TRAPPC9: variants seen among roughly 807,000 people sequenced by gnomAD.
TRAPPC9 encodes the protein trafficking protein particle complex subunit 9, also known as IKK2 binding protein.
Under a neutral mutation model 124.0 loss-of-function variants are expected in TRAPPC9, and 83 were observed. That is an observed-to-expected ratio of 0.67 (90% confidence interval 0.56 to 0.80). The LOEUF (loss-of-function observed/expected upper bound fraction) is 0.80, where lower values mean the gene tolerates loss of function less well. Among genes scored for constraint, TRAPPC9 ranks in the 30% least tolerant of loss-of-function variants. The pLI is 0.00. For synonymous variants in TRAPPC9, 638 were observed against 617.5 expected (o/e 1.03, Z -0.49); for missense variants, 1,302 against 1,508.3 (o/e 0.86, Z 2.27).
intron 19 of TRAPPC9, among the ~76,000 whole-genome samples, chr8:139,938,107 A>C (rs1373796416): frequency 1.3e-5 from 2 of 152,250 alleles, no homozygotes; most frequent in Admixed American, 6.5e-5. Flanking sequence ...ATTGACAATT[A>C]GGGATAAGAA....
intron 21 of TRAPPC9, among the ~76,000 whole-genome samples, chr8:139,777,257 G>A (rs1821455924): frequency 6.6e-6 from 1 of 152,236 alleles, no homozygotes; most frequent in African/African-American, 2.4e-5. Context: ...GGACAGGGCT[G>A]AGCAGGGTCT....
intron 20 of TRAPPC9, among the ~76,000 whole-genome samples, chr8:139,905,903 G>A (rs992920152): frequency 1.3e-5 from 2 of 151,916 alleles, no homozygotes; most frequent in South Asian, 2.1e-4. Context: ...GACCATTATG[G>A]CCAACATGGT....
intron 9 of TRAPPC9, among the ~76,000 whole-genome samples, chr8:140,328,961 GC>G (rs1157426856): frequency 6.6e-6 from 1 of 152,148 alleles, no homozygotes; most frequent in Non-Finnish European, 1.5e-5. Context: ...CAGAGGAAGG[GC>G]AGGGCAAGCT....
intron 21 of TRAPPC9, among the ~76,000 whole-genome samples, chr8:139,871,647 T>G (rs1828908281): frequency 6.6e-6 from 1 of 152,312 alleles, no homozygotes; most frequent in Admixed American, 6.5e-5. Flanking sequence ...AAGATGTCTC[T>G]TAAAGAAAGC....
chr8:140,270,162 C>T (rs1348892280), intron 15 of TRAPPC9, among the ~76,000 whole-genome samples: 1 of 151,644 alleles, frequency 6.6e-6, no homozygotes, highest in Admixed American at 6.6e-5. Flanking sequence ...GAAGCTGGAC[C>T]TTGAGATGAG....
intron 21 of TRAPPC9, among the ~76,000 whole-genome samples, chr8:139,793,715 G>A (rs1430937831): frequency 6.6e-6 from 1 of 152,240 alleles, no homozygotes; most frequent in Admixed American, 6.5e-5. Context: ...GTTTAGAGAG[G>A]TGGTACGGTA....
chr8:140,275,591 T>G, intron 15 of TRAPPC9, 67 bp downstream of exon 15: 1 of 1,533,436 alleles, frequency 6.5e-7, no homozygotes, highest in Non-Finnish European at 9.0e-7. Context: ...ACTGAGAATT[T>G]AAAGTATCTC....
rs145701907 is a variant in TRAPPC9 at position 139,930,013 on chromosome 8, C to T, written c.2811-19713G>A. Among the ~76,000 whole-genome samples, 197 of 150,410 alleles carry T rather than the reference C, an allele frequency of 1.3e-3. 3 individuals carry two copies. The highest frequency in any genetic ancestry group is 4.4e-3 in the African/African-American group (180 of 40,942). ...ATCAATATACGTGTTTGGCACTGTG[C>T]GTGGATTCTGCCGATTCTCTACACT... is the stretch of plus-strand genomic sequence containing the variant. On this transcript the variant is annotated intron_variant, in intron 19 of 22. Coordinates refer to ENST00000438773, the MANE Select transcript of TRAPPC9 (RefSeq NM_001160372.4).
At chr8:140,275,588 A>C in intron 15 of TRAPPC9, 70 bp downstream of exon 15, 1 of 1,528,690 alleles carries the variant, frequency 6.5e-7, no homozygotes. Flanking sequence ...AAAACTGAGA[A>C]TTTAAAGTAT....
chr8:139,910,237 C>G lies in TRAPPC9; in HGVS notation c.2874G>C (p.Gly958=). 2.5e-6 allele frequency: 4 copies of G among 1,614,138 alleles called. No homozygotes were observed. Among genetic ancestry groups the G allele is most frequent in the Non-Finnish European group, 3.4e-6 (4 of 1,180,022 alleles). The change falls in exon 20 of 23, where the codon GGG becomes GGC. Residue 958 remains glycine, a synonymous_variant. Transcript: ENST00000438773. The stretch of plus-strand genomic sequence containing the variant: ...CCAGCTGCTTGGGGTTTGCAAATTG[C>G]CCCTTCTCCCCAGGGGACTCCGGGA... ...ESFPESPGEK[G]QFANPKQLEE...
chr8:140,173,677 C>T (rs1435426748), intron 17 of TRAPPC9, among the ~76,000 whole-genome samples: 2 of 152,102 alleles, frequency 1.3e-5, no homozygotes, highest in Admixed American at 6.5e-5. Flanking sequence ...GTAGGGGACT[C>T]GCTTGCCCCA....
intron 8 of TRAPPC9, among the ~76,000 whole-genome samples, chr8:140,368,001 C>G (rs1330706239): frequency 6.6e-6 from 1 of 152,154 alleles, no homozygotes; most frequent in Non-Finnish European, 1.5e-5. Flanking sequence ...TATCATAAAC[C>G]TCGTCTCAGA....
At chr8:140,090,895 C>T (rs1266279837) in intron 17 of TRAPPC9, among the ~76,000 whole-genome samples, 1 of 152,238 alleles carries the variant, frequency 6.6e-6, no homozygotes, top group Non-Finnish European at 1.5e-5. Flanking sequence ...GGGCTGGCTT[C>T]TGGGTGATAC....
chr8:140,053,905 A>T (rs1437589300), intron 17 of TRAPPC9, among the ~76,000 whole-genome samples: 1 of 152,224 alleles, frequency 6.6e-6, no homozygotes, highest in Non-Finnish European at 1.5e-5. Flanking sequence ...ACATTAGCAA[A>T]GTTACGAAAT....
rs1011262592 is a variant in TRAPPC9, at chr8:139,984,821, G to A, written c.2810+3905C>T. On this transcript the variant is annotated intron_variant, in intron 19 of 22. Coordinates refer to ENST00000438773, the MANE Select transcript of TRAPPC9 (RefSeq NM_001160372.4). The surrounding 1 kb of genome is among the most constrained non-coding windows in gnomAD (Gnocchi z 4.3). ...GTATCCCCAGCAGTGGGCACAGCAG[G>A]GGAAGCGCCTAAGATGACTTCCCAG... Among the ~76,000 whole-genome samples the A allele has an allele frequency of 2.6e-5, 4 of 152,088 alleles. No homozygotes were observed. The highest frequency in any genetic ancestry group is 2.0e-4 in the Admixed American group (3 of 15,274).
intron 18 of TRAPPC9, among the ~76,000 whole-genome samples, chr8:140,009,057 G>C (rs1587481580): frequency 2.0e-5 from 3 of 152,264 alleles, no homozygotes; most frequent in African/African-American, 7.2e-5. Context: ...GACGGGAAAA[G>C]GGAAAAAGAG....
chr8:140,291,120 G>T, intron 11 of TRAPPC9, 42 bp from the exon 12 acceptor site: 1 of 1,565,412 alleles, frequency 6.4e-7, no homozygotes, highest in Non-Finnish European at 8.8e-7. Context: ...GTATTAGTTG[G>T]TATTTTTTCA....
rs1554419420 is a variant in TRAPPC9 at position 139,997,882 on chromosome 8, G to A, written c.2700-9046C>T. Among the ~76,000 whole-genome samples the A allele has an allele frequency of 4.1e-4, 8 of 19,574 alleles. 1 individual carries two copies. The highest frequency in any genetic ancestry group is 1.8e-3 in the Non-Finnish European group (6 of 3,406). The allele number at this position is 19,574 out of a possible 152,430, so 12.8% of individuals were successfully genotyped here. A position where few individuals can be genotyped will look rare whatever the true frequency, so the allele number is the denominator to read the frequency against. ...GGAGAGACAATGCATCCCACACAGG[G>A]GAGACAATGCATCCCACACAGGGGA... is the stretch of plus-strand genomic sequence containing the variant. On this transcript the variant is annotated intron_variant, in intron 18 of 22. Transcript: ENST00000438773.
intron 17 of TRAPPC9, among the ~76,000 whole-genome samples, chr8:140,034,952 G>C (rs922840766): frequency 2.6e-5 from 4 of 152,252 alleles, no homozygotes; most frequent in African/African-American, 9.6e-5. Context: ...GGTTCCCGAA[G>C]GAAGGCCAGT....
Sources: allele counts gnomAD v4.1 joint callset (sites outside exome capture counted in the v4.1 genomes callset), GRCh38; gene constraint gnomAD v4.1.1; non-coding constraint Gnocchi (gnomAD v3.1); transcripts MANE v1.5; gene names NCBI Gene and HGNC (gene_info 2026-07-23, HGNC 2026-07-21).